The following PTPRR variants were observed in gnomAD, a reference collection of about 807,000 sequenced individuals.
PTPRR encodes protein tyrosine phosphatase receptor type R.
Under a neutral mutation model 77.2 loss-of-function variants are expected in PTPRR, and 38 were observed. The observed-to-expected ratio is 0.49, with a 90% CI of 0.38 to 0.65. The LOEUF (loss-of-function observed/expected upper bound fraction) is 0.65. Among genes scored for constraint, PTPRR ranks in the 30% least tolerant of loss-of-function variants. The pLI is 0.00. For missense variants in PTPRR, 744 were observed against 799.2 expected, an observed-to-expected ratio of 0.93 and a Z score of 0.83; for synonymous variants, 299 against 283.1, an observed-to-expected ratio of 1.06 and a Z score of -0.57.
chr12:70,852,843 G>A (rs11178454), intron 2 of PTPRR, among the ~76,000 whole-genome samples: 3,917 of 152,118 alleles, frequency 0.026, 166 homozygotes, highest in African/African-American at 0.089. Flanking sequence ...CTGATATTGC[G>A]TTTAACATGA....
chr12:70,724,480 G>T (rs1166853333), intron 6 of PTPRR, among the ~76,000 whole-genome samples: 4 of 152,164 alleles, frequency 2.6e-5, no homozygotes, highest in Non-Finnish European at 1.5e-5. Context: ...CGTAATAAAT[G>T]CAACAGTGTA....
intron 2 of PTPRR, among the ~76,000 whole-genome samples, chr12:70,833,187 T>C (rs1371473962): frequency 1.3e-5 from 2 of 152,004 alleles, no homozygotes; most frequent in Admixed American, 1.3e-4. Context: ...TGAGGGGAGA[T>C]GGACTTTAGA....
chr12:70,733,487 A>G (rs1357895631), intron 6 of PTPRR, among the ~76,000 whole-genome samples: 21 of 129,272 alleles, frequency 1.6e-4, no homozygotes, highest in Admixed American at 4.9e-4. Flanking sequence ...AAAAAGAAAA[A>G]AAAAGAAAAA....
chr12:70,895,105 CAG>C (rs1893404045), intron 1 of PTPRR, among the ~76,000 whole-genome samples: 1 of 151,518 alleles, frequency 6.6e-6, no homozygotes, highest in Non-Finnish European at 1.5e-5. Context: ...ACGGGTGAAA[CAG>C]AGTTGCTGAA....
chr12:70,798,989 G>A (rs765445687), intron 2 of PTPRR, among the ~76,000 whole-genome samples: 1 of 152,060 alleles, frequency 6.6e-6, no homozygotes, highest in Non-Finnish European at 1.5e-5. Context: ...ATAATAAAAA[G>A]TGTAAAGAAA....
intron 2 of PTPRR, among the ~76,000 whole-genome samples, chr12:70,794,719 C>A (rs913955929): frequency 3.9e-5 from 6 of 152,078 alleles, no homozygotes; most frequent in Non-Finnish European, 5.9e-5. Flanking sequence ...GACCTTGAAC[C>A]CCAGCAGCAA....
At chr12:70,846,752 C>T (rs1360881008) in intron 2 of PTPRR, among the ~76,000 whole-genome samples, 1 of 152,116 alleles carries the variant, frequency 6.6e-6, no homozygotes, top group Non-Finnish European at 1.5e-5. Flanking sequence ...TCTGCTGGGT[C>T]CTTGATCATG....
intron 2 of PTPRR, among the ~76,000 whole-genome samples, chr12:70,831,087 CTG>C (rs1223243293): frequency 4.6e-5 from 7 of 152,156 alleles, no homozygotes; most frequent in African/African-American, 7.2e-5. Flanking sequence ...GATGAGGAAA[CTG>C]TGGCACAGAG....
At chr12:70,784,339 G>A (rs1891274839) in intron 2 of PTPRR, among the ~76,000 whole-genome samples, 1 of 152,244 alleles carries the variant, frequency 6.6e-6, no homozygotes, top group Non-Finnish European at 1.5e-5. Flanking sequence ...ATGGAGCAAG[G>A]CACCTGGCCA....
intron 6 of PTPRR, among the ~76,000 whole-genome samples, chr12:70,729,979 G>A (rs184517420): frequency 2.8e-4 from 43 of 151,058 alleles, no homozygotes; most frequent in African/African-American, 1.0e-3. Flanking sequence ...TCCTCTTGGG[G>A]GGATACAACT....
intron 8 of PTPRR, among the ~76,000 whole-genome samples, chr12:70,688,739 T>C (rs933235408): frequency 2.0e-5 from 3 of 152,170 alleles, no homozygotes; most frequent in African/African-American, 7.2e-5. Context: ...TCTGCACTCC[T>C]ATGTTCTTGC....
chr12:70,892,596 C>T, intron 2 of PTPRR, 83 bp downstream of exon 2: 1 of 1,480,864 alleles, frequency 6.8e-7, no homozygotes, highest in South Asian at 1.2e-5. Context: ...TAACTATTCA[C>T]AATCAGTGTT....
chr12:70,770,798 T>TA (rs1210492724), intron 2 of PTPRR, among the ~76,000 whole-genome samples: 4 of 152,026 alleles, frequency 2.6e-5, no homozygotes, highest in Admixed American at 6.6e-5. Context: ...ATGTGGCACA[T>TA]ATACACCACG....
At chr12:70,714,532 C>T (rs975477365) in intron 6 of PTPRR, among the ~76,000 whole-genome samples, 6 of 152,080 alleles carry the variant, frequency 3.9e-5, no homozygotes, top group Admixed American at 6.6e-5. Context: ...CTTATTAGAA[C>T]AACAATGTGG....
At chr12:70,664,511 C>G (rs1344617988) in intron 10 of PTPRR, 5 of 152,210 alleles carry the variant, frequency 3.3e-5, no homozygotes, top group Admixed American at 1.3e-4. Flanking sequence ...GGCGTACGTG[C>G]CCCATTGTCC....
At chr12:70,751,745 G>T (rs1890406492) in intron 5 of PTPRR, among the ~76,000 whole-genome samples, 1 of 152,072 alleles carries the variant, frequency 6.6e-6, no homozygotes, top group Non-Finnish European at 1.5e-5. Context: ...AAAATACCAA[G>T]TTCTCACATA....
At chr12:70,694,953 T>C (rs1292306681) in intron 8 of PTPRR, among the ~76,000 whole-genome samples, 1 of 152,218 alleles carries the variant, frequency 6.6e-6, no homozygotes, top group Non-Finnish European at 1.5e-5. Flanking sequence ...CCTACTACTT[T>C]TGTGATTTAG....
chr12:70,817,473 C>G (rs1394629829), intron 2 of PTPRR, among the ~76,000 whole-genome samples: 1 of 152,130 alleles, frequency 6.6e-6, no homozygotes, highest in Non-Finnish European at 1.5e-5. Flanking sequence ...AGGTAAAGAG[C>G]CATAATATCT....
At chr12:70,852,320 A>C (rs145869170) in intron 2 of PTPRR, among the ~76,000 whole-genome samples, 180 of 152,310 alleles carry the variant, frequency 1.2e-3, no homozygotes, top group African/African-American at 4.1e-3. Flanking sequence ...CTGGCTTTGC[A>C]TGCTATATGA....
Sources: gnomAD v4.1 joint callset for allele counts (sites outside exome capture counted in the v4.1 genomes callset) on GRCh38, gnomAD v4.1.1 for gene constraint, MANE v1.5 for transcripts, NCBI Gene and HGNC (gene_info 2026-07-23, HGNC 2026-07-21) for gene names.